The following LRRTM4 variants were observed in gnomAD, a reference collection of about 807,000 sequenced individuals.
LRRTM4 encodes the protein leucine-rich repeat transmembrane neuronal protein 4.
Under a neutral mutation model 47.6 loss-of-function variants are expected in LRRTM4, and 25 were observed. That is an observed-to-expected ratio of 0.53 (90% CI 0.38 to 0.73). The LOEUF is 0.73. LRRTM4 is among the 30% of genes least tolerant of loss of function. LRRTM4 has a pLI of 0.00. For synonymous variants in LRRTM4, 311 were observed against 269.5 expected (o/e 1.15, Z -1.51); for missense variants, 638 against 713.4 (o/e 0.89, Z 1.20).
At chr2:77,256,092 T>C (rs1409974098) in intron 3 of LRRTM4, among the ~76,000 whole-genome samples, 2 of 152,046 alleles carry the variant, frequency 1.3e-5, no homozygotes, top group African/African-American at 4.8e-5. Flanking sequence ...ATATTGGGGT[T>C]ATCTTTATAG....
At chr2:77,088,635 C>T (rs1021128561) in intron 3 of LRRTM4, among the ~76,000 whole-genome samples, 3 of 152,198 alleles carry the variant, frequency 2.0e-5, no homozygotes, top group African/African-American at 7.2e-5. Context: ...GTTGCTCACA[C>T]AAAGCCTGTT....
intron 3 of LRRTM4, among the ~76,000 whole-genome samples, chr2:77,462,525 A>T (rs967437730): frequency 6.6e-6 from 1 of 152,064 alleles, no homozygotes; most frequent in Non-Finnish European, 1.5e-5. Flanking sequence ...ATCAGTTAAT[A>T]AACCTCCTGC....
intron 3 of LRRTM4, among the ~76,000 whole-genome samples, chr2:77,224,589 C>T (rs1035767220): frequency 6.6e-6 from 1 of 152,174 alleles, no homozygotes; most frequent in Non-Finnish European, 1.5e-5. Flanking sequence ...GACATTTATG[C>T]AGCCAAAAAA....
intron 3 of LRRTM4, among the ~76,000 whole-genome samples, chr2:77,078,352 A>C (rs966838434): frequency 2.7e-5 from 4 of 147,844 alleles, no homozygotes; most frequent in African/African-American, 1.0e-4. Flanking sequence ...TTTATTGAAA[A>C]AAATATGTTT....
chr2:77,328,782 C>G (rs185545371), intron 3 of LRRTM4, among the ~76,000 whole-genome samples: 4 of 152,230 alleles, frequency 2.6e-5, no homozygotes, highest in Admixed American at 1.3e-4. Flanking sequence ...TCGGGCTGCA[C>G]TATAGGCACA....
At chr2:76,764,940 G>A (rs1011318180) in intron 3 of LRRTM4, among the ~76,000 whole-genome samples, 6 of 152,124 alleles carry the variant, frequency 3.9e-5, no homozygotes, top group African/African-American at 1.2e-4. Context: ...GGAGCCTTGG[G>A]GGCAGGACCC....
Position 76,796,097 on chromosome 2 carries a change from G to T in LRRTM4, c.1552-47181C>A, listed in dbSNP as rs111296145. On this transcript the variant is annotated intron_variant, in intron 3 of 3. Transcript: ENST00000409884. The stretch of plus-strand genomic sequence containing the variant: ...CGGGTCACTCCCACCCGAATACTGC[G>T]CTTTTCAGACAGGCTTAAAAAAACG... Among the ~76,000 whole-genome samples the T allele has an allele frequency of 2.0e-3, 257 of 130,086 alleles. 16 individuals carry two copies. The highest frequency in any genetic ancestry group is 7.1e-3 in the African/African-American group (237 of 33,434). 85.3% of individuals were successfully genotyped at this position (130,086 alleles called of 152,430 possible).
intron 3 of LRRTM4, among the ~76,000 whole-genome samples, chr2:77,501,503 T>G (rs972738806): frequency 3.3e-5 from 5 of 150,958 alleles, no homozygotes; most frequent in Admixed American, 1.3e-4. Flanking sequence ...AAAAAGTTAG[T>G]TGAATTATTT....
intron 3 of LRRTM4, among the ~76,000 whole-genome samples, chr2:77,040,834 G>T (rs1225591003): frequency 6.6e-6 from 1 of 151,078 alleles, no homozygotes; most frequent in Non-Finnish European, 1.5e-5. Flanking sequence ...ATATTGATGG[G>T]GTAAAGTGTA....
At chr2:76,749,517 ACT>A (rs1672775785) in intron 3 of LRRTM4, among the ~76,000 whole-genome samples, 1 of 152,080 alleles carries the variant, frequency 6.6e-6, no homozygotes, top group Non-Finnish European at 1.5e-5. Context: ...TAATTCTAAC[ACT>A]CTATCACATA....
intron 3 of LRRTM4, among the ~76,000 whole-genome samples, chr2:76,851,678 T>A (rs1671999018): frequency 6.6e-6 from 1 of 152,018 alleles, no homozygotes; most frequent in African/African-American, 2.4e-5. Context: ...TGGGAGTAGA[T>A]GATCTTCATA....
chr2:77,370,641 G>T lies in LRRTM4; in HGVS notation c.1551+147677C>A, dbSNP rs903446715. ...TGGCAGAATTTAGATATGATGAGAT[G>T]GATTGATGTAGCTATCTGCCAAACA... On this transcript the variant is annotated intron_variant, in intron 3 of 3. Coordinates refer to ENST00000409884, the MANE Select transcript of LRRTM4 (RefSeq NM_001134745.3). Among the ~76,000 whole-genome samples, 10 of 151,598 alleles carry T rather than the reference G, an allele frequency of 6.6e-5. 2 individuals are homozygous for T. Among genetic ancestry groups the T allele is most frequent in the Admixed American group, 6.6e-4 (10 of 15,164 alleles).
At chr2:76,834,019 A>ATTTATTTAT (rs1553416831) in intron 3 of LRRTM4, among the ~76,000 whole-genome samples, 4 of 140,538 alleles carry the variant, frequency 2.8e-5, no homozygotes, top group South Asian at 2.3e-4. Flanking sequence ...TCATTTATTT[A>ATTTATTTAT]TTATTTATTT....
At chr2:76,876,658 C>CCAT (rs1231007322) in intron 3 of LRRTM4, among the ~76,000 whole-genome samples, 2 of 151,766 alleles carry the variant, frequency 1.3e-5, no homozygotes, top group Non-Finnish European at 2.9e-5. Context: ...TTGCTTCTTC[C>CCAT]CATCCTACTT....
chr2:77,489,174 T>C (rs1362717621), intron 3 of LRRTM4, among the ~76,000 whole-genome samples: 2 of 152,192 alleles, frequency 1.3e-5, no homozygotes, highest in East Asian at 3.9e-4. Context: ...CTATGACGTT[T>C]ACTTCTGATA....
At position 76,902,255 on chromosome 2, in the gene LRRTM4, C is replaced by A. The variant is rs1284297456; in HGVS notation, c.1552-153339G>T. Among the ~76,000 whole-genome samples the A allele has an allele frequency of 3.3e-5, 5 of 152,270 alleles. No homozygotes were observed. In the South Asian group the frequency reaches 1.0e-3, roughly 32 times the overall value. On this transcript the variant is annotated intron_variant, in intron 3 of 3. Transcript: ENST00000409884. Reference sequence around the variant, plus strand: ...GCCCTCTGGCTACACCCAGATATTCCTGTTCCTACCTGCCACATTATAAAC... The same window carrying A: ...GCCCTCTGGCTACACCCAGATATTCATGTTCCTACCTGCCACATTATAAAC...
intron 3 of LRRTM4, among the ~76,000 whole-genome samples, chr2:77,221,095 C>T (rs1265633823): frequency 6.6e-6 from 1 of 152,104 alleles, no homozygotes; most frequent in Non-Finnish European, 1.5e-5. Flanking sequence ...ATTTCATATC[C>T]AGCCAAACTA....
At chr2:77,138,037 C>T (rs1323289112) in intron 3 of LRRTM4, among the ~76,000 whole-genome samples, 1 of 152,158 alleles carries the variant, frequency 6.6e-6, no homozygotes, top group East Asian at 1.9e-4. Flanking sequence ...GAGACTTTAA[C>T]ACCCTACTGT....
At chr2:77,020,288 G>A (rs749870733) in intron 3 of LRRTM4, among the ~76,000 whole-genome samples, 3 of 152,046 alleles carry the variant, frequency 2.0e-5, no homozygotes, top group Non-Finnish European at 4.4e-5. Context: ...AGTAAGAAAT[G>A]GCCTCACAAT....
Sources: allele counts gnomAD v4.1 joint callset (sites outside exome capture counted in the v4.1 genomes callset), GRCh38; gene constraint gnomAD v4.1.1; transcripts MANE v1.5; gene names NCBI Gene and HGNC (gene_info 2026-07-23, HGNC 2026-07-21).